KYAT1: variants seen among roughly 807,000 people sequenced by gnomAD.
KYAT1 encodes the protein kynurenine aminotransferase 1, also known as kynurenine--oxoglutarate transaminase 1.
Under a neutral mutation model 52.4 loss-of-function variants are expected in KYAT1, and 47 were observed. The observed-to-expected ratio is 0.90, with a 90% CI of 0.71 to 1.14. The LOEUF (loss-of-function observed/expected upper bound fraction) is 1.14. Ranked by LOEUF, KYAT1 falls within the 50% of genes most tolerant of loss-of-function variation. The probability of loss-of-function intolerance (pLI) is 0.00; values close to 1 mark genes in which losing one functional copy is unlikely to be tolerated. For missense variants in KYAT1, 480 were observed against 557.9 expected (o/e 0.86, Z 1.41); for synonymous variants, 212 against 209.6 (o/e 1.01, Z -0.10).
intron 1 of KYAT1, chr9:128,847,355 C>G (rs1433263508): frequency 1.0e-6 from 1 of 970,058 alleles, no homozygotes; most frequent in Non-Finnish European, 1.5e-6. Context: ...TCATGCACAG[C>G]TTTGAAGCCA....
intron 1 of KYAT1, among the ~76,000 whole-genome samples, chr9:128,863,977 A>G (rs915963749): frequency 6.6e-6 from 1 of 152,026 alleles, no homozygotes; most frequent in Non-Finnish European, 1.5e-5. Context: ...TTCCCTAGTC[A>G]GCTCCTCAAC....
At position 128,836,029 on chromosome 9, in the gene KYAT1, C is replaced by A; in HGVS notation, c.733G>T (p.Ala245Ser). 6.2e-7 allele frequency: 1 copy of A among 1,613,844 alleles called. No homozygotes were observed. The highest frequency in any genetic ancestry group is 8.5e-7 in the Non-Finnish European group (1 of 1,179,800). The part of the protein sequence containing the change: ...MWERTLTIGS[A>S]GKTFSATGWK... ...CCAGTGGCGCTGAAGGTCTTGCCGG[C>A]GCTGCCGATGGTCAGGGTCCGTTCC... Residue 245 changes from alanine to serine, a missense_variant, in exon 8 of 13, where the codon GCC (alanine) becomes TCC (serine). By Grantham distance (99) the Ala-to-Ser change is moderately conservative. Coordinates refer to ENST00000302586, the MANE Select transcript of KYAT1 (RefSeq NM_004059.5).
At position 128,833,535 on chromosome 9, in the gene KYAT1, G is replaced by T; in HGVS notation, c.*49C>A. 1.3e-6 allele frequency: 2 copies of T among 1,553,500 alleles called. No homozygotes were observed. The highest frequency in any genetic ancestry group is 1.8e-6 in the Non-Finnish European group (2 of 1,124,816). On this transcript the variant is annotated 3_prime_UTR_variant, in exon 13 of 13. Coordinates refer to ENST00000302586, the MANE Select transcript of KYAT1 (RefSeq NM_004059.5). ...TGGACAAAGACAGACACTCAAAGAGGATCTCTGCGGGCATGTGGGGATGTC... is the reference window on the plus strand; with the variant it reads ...TGGACAAAGACAGACACTCAAAGAGTATCTCTGCGGGCATGTGGGGATGTC...
At chr9:128,836,963 C>T (rs772460360) in intron 6 of KYAT1, 41 bp from the exon 7 acceptor site, 17 of 1,595,742 alleles carry the variant, frequency 1.1e-5, no homozygotes, top group Middle Eastern at 1.7e-4. Flanking sequence ...CAGCTGGGAC[C>T]GTCCCCAAAC....
upstream of KYAT1, chr9:128,882,347 G>T (rs1274483886): frequency 2.6e-5 from 5 of 189,236 alleles, no homozygotes; most frequent in Admixed American, 6.1e-5. Context: ...GGCGCCCGGG[G>T]CATCTGGGGC....
intron 1 of KYAT1, chr9:128,846,622 A>G (rs1027561854): frequency 7.6e-5 from 78 of 1,026,744 alleles, no homozygotes; most frequent in Admixed American, 2.8e-4. Flanking sequence ...AAAAAAAAAA[A>G]AAAGAAAGAA....
intron 1 of KYAT1, among the ~76,000 whole-genome samples, chr9:128,867,575 G>A (rs1288996412): frequency 3.9e-5 from 6 of 152,140 alleles, no homozygotes; most frequent in Non-Finnish European, 2.9e-5. Flanking sequence ...AAAACTGGAG[G>A]CAATCTGATA....
At chr9:128,878,126 C>T (rs1303922305) in intron 1 of KYAT1, among the ~76,000 whole-genome samples, 10 of 152,044 alleles carry the variant, frequency 6.6e-5, no homozygotes, top group Non-Finnish European at 1.3e-4. Context: ...TTGTCAATGA[C>T]AACAAGCTAT....
chr9:128,850,191 A>C (rs1276307260), intron 1 of KYAT1, among the ~76,000 whole-genome samples: 1 of 152,076 alleles, frequency 6.6e-6, no homozygotes, highest in Non-Finnish European at 1.5e-5. Context: ...TGGCCAGCCC[A>C]GGCTGTTCTT....
intron 1 of KYAT1, among the ~76,000 whole-genome samples, chr9:128,880,135 G>A (rs1041554119): frequency 2.0e-5 from 3 of 152,212 alleles, no homozygotes; most frequent in African/African-American, 7.2e-5. Context: ...CTGTGGTTCT[G>A]GTTGTTCATT....
chr9:128,862,835 GAC>G (rs1554814336), intron 1 of KYAT1, among the ~76,000 whole-genome samples: 5 of 152,124 alleles, frequency 3.3e-5, no homozygotes, highest in Non-Finnish European at 5.9e-5. Flanking sequence ...TTTGTTTTTT[GAC>G]ACAGAGTCTC....
At chr9:128,846,555 T>TGCCA (rs1285667847) in intron 1 of KYAT1, 1 of 624,112 alleles carries the variant, frequency 1.6e-6, no homozygotes, top group African/African-American at 2.1e-5. Flanking sequence ...GCCAAGATCG[T>TGCCA]GCCAGCCACT....
intron 1 of KYAT1, among the ~76,000 whole-genome samples, chr9:128,864,207 G>GA (rs968080969): frequency 6.7e-5 from 10 of 149,754 alleles, no homozygotes; most frequent in African/African-American, 9.8e-5. Flanking sequence ...CTAAAAATAC[G>GA]AAAAAAAAAT....
At chr9:128,845,453 G>T in intron 1 of KYAT1, 42 bp from the exon 2 acceptor site, 2 of 1,596,520 alleles carry the variant, frequency 1.3e-6, no homozygotes, top group Non-Finnish European at 8.6e-7. Flanking sequence ...GAATCTGTCT[G>T]GGTGCAGCAG....
intron 1 of KYAT1, among the ~76,000 whole-genome samples, chr9:128,863,626 G>A (rs1396863478): frequency 6.6e-6 from 1 of 152,130 alleles, no homozygotes; most frequent in Non-Finnish European, 1.5e-5. Context: ...GCCATAAGGG[G>A]TTCTCAGCCA....
At chr9:128,849,045 G>A (rs887875634) in intron 1 of KYAT1, among the ~76,000 whole-genome samples, 2 of 151,442 alleles carry the variant, frequency 1.3e-5, no homozygotes, top group Non-Finnish European at 2.9e-5. Context: ...AACCTGGGAG[G>A]CAAAGGTTGC....
chr9:128,879,919 G>GT (rs1838567904), intron 1 of KYAT1, among the ~76,000 whole-genome samples: 1 of 152,136 alleles, frequency 6.6e-6, no homozygotes, highest in Non-Finnish European at 1.5e-5. Flanking sequence ...CACAGAGTAG[G>GT]TCCCCCAGGC....
chr9:128,842,801 C>G lies in KYAT1; in HGVS notation c.54G>C (p.Trp18Cys), dbSNP rs1451359265. The G allele has an allele frequency of 2.0e-5, 32 of 1,612,660 alleles. No homozygotes were observed. Among genetic ancestry groups the G allele is most frequent in the Non-Finnish European group, 2.6e-5 (31 of 1,179,256 alleles). Residue 18 changes from tryptophan to cysteine, a missense_variant and splice_region_variant, in exon 3 of 13, where the codon TGG becomes TGC. Coordinates refer to ENST00000302586, the MANE Select transcript of KYAT1 (RefSeq NM_004059.5). ...RRLDGIDYNP[W>C]VEFVKLASEH... Reference sequence around the variant, plus strand: ...CACTGGCCAGTTTCACAAACTCCACCCTGGGTAACAAATGGAGAATCAGCA... The same window carrying G: ...CACTGGCCAGTTTCACAAACTCCACGCTGGGTAACAAATGGAGAATCAGCA...
intron 1 of KYAT1, among the ~76,000 whole-genome samples, chr9:128,880,462 G>A (rs1392176815): frequency 2.0e-5 from 3 of 146,540 alleles, no homozygotes; most frequent in South Asian, 2.1e-4. Flanking sequence ...TTTTTTTTTA[G>A]ACGGAGTCTT....
Sources: allele counts gnomAD v4.1 joint callset (sites outside exome capture counted in the v4.1 genomes callset), GRCh38; gene constraint gnomAD v4.1.1; transcripts MANE v1.5; gene names NCBI Gene and HGNC (gene_info 2026-07-23, HGNC 2026-07-21).